MACROD2: variants seen among roughly 807,000 people sequenced by gnomAD.
The protein encoded by MACROD2 is ADP-ribose glycohydrolase MACROD2.
MACROD2 carries 36 observed loss-of-function variants against 70.4 expected under a neutral mutation model. The observed-to-expected ratio is 0.51, with a 90% CI of 0.39 to 0.68. MACROD2 has a LOEUF of 0.68. Among genes scored for constraint, MACROD2 ranks in the 30% least tolerant of loss-of-function variants. The pLI is 0.00. For missense variants in MACROD2, 496 were observed against 538.4 expected, an observed-to-expected ratio of 0.92 and a Z score of 0.78; for synonymous variants, 172 against 178.8, an observed-to-expected ratio of 0.96 and a Z score of 0.30.
chr20:14,037,358 G>A (rs976024537), intron 2 of MACROD2, among the ~76,000 whole-genome samples: 1 of 152,124 alleles, frequency 6.6e-6, no homozygotes, highest in Admixed American at 6.5e-5. Context: ...TATTTTTACA[G>A]TGTCCTATTC....
chr20:14,931,272 G>C (rs1034939479), intron 5 of MACROD2, among the ~76,000 whole-genome samples: 9 of 152,078 alleles, frequency 5.9e-5, no homozygotes, highest in African/African-American at 2.2e-4. Flanking sequence ...GAGCATTCTC[G>C]GAATGGGAGG....
chr20:15,132,929 T>G (rs1414243432), intron 5 of MACROD2, among the ~76,000 whole-genome samples: 1 of 152,080 alleles, frequency 6.6e-6, no homozygotes, highest in African/African-American at 2.4e-5. Flanking sequence ...GATAATAGTA[T>G]TATTTTTTAA....
chr20:14,071,227 GAC>G (rs1405341638), intron 2 of MACROD2, among the ~76,000 whole-genome samples: 2 of 140,076 alleles, frequency 1.4e-5, no homozygotes, highest in Non-Finnish European at 3.1e-5. Flanking sequence ...TTGAAATAAA[GAC>G]AGTATTGGCC....
intron 5 of MACROD2, among the ~76,000 whole-genome samples, chr20:15,146,512 C>A (rs2076231226): frequency 6.6e-6 from 1 of 152,104 alleles, no homozygotes; most frequent in African/African-American, 2.4e-5. Context: ...TCTAGAAATT[C>A]AGAATTCACC....
intron 8 of MACROD2, among the ~76,000 whole-genome samples, chr20:15,674,946 A>G (rs2050036215): frequency 6.6e-6 from 1 of 152,196 alleles, no homozygotes; most frequent in Non-Finnish European, 1.5e-5. Context: ...TTTGACAAGC[A>G]CTAATTAATT....
chr20:14,455,668 T>C (rs561850281), intron 3 of MACROD2, among the ~76,000 whole-genome samples: 83 of 152,000 alleles, frequency 5.5e-4, no homozygotes, highest in South Asian at 2.5e-3. Flanking sequence ...GAATACATAA[T>C]ATTTTCTTAA....
intron 6 of MACROD2, among the ~76,000 whole-genome samples, chr20:15,349,177 A>G (rs1168091485): frequency 6.6e-6 from 1 of 152,182 alleles, no homozygotes; most frequent in East Asian, 1.9e-4. Flanking sequence ...TTTTAAACTC[A>G]TGGAATGTTC....
chr20:14,002,445 A>G, intron 2 of MACROD2, 41 bp downstream of exon 2: 1 of 1,247,800 alleles, frequency 8.0e-7, no homozygotes, highest in South Asian at 1.3e-5. Flanking sequence ...TATTTTTCCC[A>G]TTTTAGGACA....
chr20:15,389,777 G>C (rs1231553289), intron 6 of MACROD2, among the ~76,000 whole-genome samples: 2 of 152,186 alleles, frequency 1.3e-5, no homozygotes, highest in African/African-American at 4.8e-5. Context: ...CCCAAGGCAA[G>C]ATGAAGCAAT....
chr20:14,386,398 A>T (rs542479114), intron 3 of MACROD2, among the ~76,000 whole-genome samples: 1 of 152,158 alleles, frequency 6.6e-6, no homozygotes, highest in Non-Finnish European at 1.5e-5. Context: ...TATAGTTTGG[A>T]TATTTGTCCT....
chr20:15,759,982 T>C (rs1045444984), intron 8 of MACROD2, among the ~76,000 whole-genome samples: 2 of 152,106 alleles, frequency 1.3e-5, no homozygotes, highest in African/African-American at 4.8e-5. Flanking sequence ...AAAGTGCAAA[T>C]AATAATGACA....
At chr20:15,790,110 G>A (rs2063610488) in intron 8 of MACROD2, among the ~76,000 whole-genome samples, 2 of 151,962 alleles carry the variant, frequency 1.3e-5, no homozygotes, top group South Asian at 2.1e-4. Flanking sequence ...TAACATCTAA[G>A]TTGAAATTTG....
intron 2 of MACROD2, among the ~76,000 whole-genome samples, chr20:14,044,005 G>A (rs1337818567): frequency 1.3e-5 from 2 of 152,302 alleles, no homozygotes; most frequent in South Asian, 2.1e-4. Context: ...TACTTTCCAC[G>A]AGAAAGACAC....
intron 8 of MACROD2, among the ~76,000 whole-genome samples, chr20:15,768,945 A>G (rs1300505469): frequency 6.6e-6 from 1 of 152,104 alleles, no homozygotes; most frequent in Admixed American, 6.6e-5. Flanking sequence ...GTCTCACTGG[A>G]AGGTCTTCAG....
chr20:14,128,380 T>A (rs1051168668), intron 3 of MACROD2: 2 of 153,906 alleles, frequency 1.3e-5, no homozygotes, highest in African/African-American at 2.4e-5. Context: ...GAAAACCTTA[T>A]AAAAAGGAAT....
chr20:15,297,728 G>GT, intron 6 of MACROD2, among the ~76,000 whole-genome samples: 1 of 152,244 alleles, frequency 6.6e-6, no homozygotes, highest in East Asian at 1.9e-4. Context: ...TGTGTGCATT[G>GT]TTAGAGACCC....
intron 16 of MACROD2, among the ~76,000 whole-genome samples, chr20:16,041,497 T>C (rs1051625439): frequency 6.6e-6 from 1 of 152,036 alleles, no homozygotes; most frequent in Non-Finnish European, 1.5e-5. Flanking sequence ...GCATATGTCC[T>C]GGTTTAATCA....
chr20:15,393,132 C>T (rs1192923494), intron 6 of MACROD2, among the ~76,000 whole-genome samples: 1 of 151,950 alleles, frequency 6.6e-6, no homozygotes, highest in Non-Finnish European at 1.5e-5. Flanking sequence ...CAGGTGAATC[C>T]CATGATCCCT....
intron 3 of MACROD2, among the ~76,000 whole-genome samples, chr20:14,426,535 C>T (rs1257936253): frequency 6.6e-6 from 1 of 152,036 alleles, no homozygotes; most frequent in Non-Finnish European, 1.5e-5. Flanking sequence ...TAGTCTTTTG[C>T]TTATCCACTG....
Sources: gnomAD v4.1 joint callset for allele counts (sites outside exome capture counted in the v4.1 genomes callset) on GRCh38, gnomAD v4.1.1 for gene constraint, MANE v1.5 for transcripts, NCBI Gene and HGNC (gene_info 2026-07-23, HGNC 2026-07-21) for gene names.